SORCS1: variants seen among roughly 807,000 people sequenced by gnomAD.
SORCS1 encodes VPS10 domain-containing receptor SorCS1.
A neutral mutation model predicts 146.1 loss-of-function variants in SORCS1; 60 were observed. That is an observed-to-expected ratio of 0.41 (90% CI 0.33 to 0.51). The LOEUF is 0.51. Ranked by LOEUF, SORCS1 falls within the 20% of genes least tolerant of loss-of-function variation. The probability of loss-of-function intolerance (pLI) is 0.21; values close to 1 mark genes in which losing one functional copy is unlikely to be tolerated. For missense variants in SORCS1, 1,352 were observed against 1,487.6 expected (o/e 0.91, Z 1.50); for synonymous variants, 637 against 584.0 (o/e 1.09, Z -1.31).
intron 1 of SORCS1, among the ~76,000 whole-genome samples, chr10:106,967,591 G>T (rs1217875121): frequency 2.6e-5 from 4 of 152,312 alleles, no homozygotes; most frequent in Non-Finnish European, 4.4e-5. Flanking sequence ...TGGGGCCAGG[G>T]AATAGGGGGA....
At chr10:106,611,327 A>G (rs1408866091) in intron 22 of SORCS1, among the ~76,000 whole-genome samples, 1 of 152,190 alleles carries the variant, frequency 6.6e-6, no homozygotes, top group Non-Finnish European at 1.5e-5. Flanking sequence ...TAACCTCTCT[A>G]AACTTCAGTT....
At chr10:106,764,781 T>TGGGAGGGCG (rs1859426993) in intron 4 of SORCS1, among the ~76,000 whole-genome samples, 2 of 152,012 alleles carry the variant, frequency 1.3e-5, no homozygotes, top group Admixed American at 1.3e-4. Flanking sequence ...CCCAGCACTT[T>TGGGAGGGCG]GGGAGGGCGA....
chr10:106,634,757 C>T (rs542462775), intron 18 of SORCS1, among the ~76,000 whole-genome samples: 7 of 152,024 alleles, frequency 4.6e-5, no homozygotes, highest in East Asian at 3.9e-4. Flanking sequence ...ATGTTTAAGC[C>T]GTAAAGAAGA....
chr10:107,168,436 A>C (rs1415509563), upstream of SORCS1, among the ~76,000 whole-genome samples: 3 of 152,252 alleles, frequency 2.0e-5, no homozygotes, highest in Non-Finnish European at 2.9e-5. Flanking sequence ...CCACATGTGG[A>C]TAAAGGCCCT....
At chr10:106,859,547 C>T (rs1389649602) in intron 2 of SORCS1, among the ~76,000 whole-genome samples, 1 of 152,150 alleles carries the variant, frequency 6.6e-6, no homozygotes, top group Non-Finnish European at 1.5e-5. Context: ...GTGCGCACCA[C>T]CATGCCCAGG....
chr10:107,134,186 A>G (rs1967079946), intron 1 of SORCS1, among the ~76,000 whole-genome samples: 1 of 152,242 alleles, frequency 6.6e-6, no homozygotes, highest in South Asian at 2.1e-4. Flanking sequence ...AACTGATGTC[A>G]GGAAGGAAAA....
At chr10:106,864,212 T>C (rs1396651416) in intron 2 of SORCS1, among the ~76,000 whole-genome samples, 1 of 152,142 alleles carries the variant, frequency 6.6e-6, no homozygotes, top group Admixed American at 6.5e-5. Flanking sequence ...GGTGCTCACA[T>C]TGGGACTAAT....
At chr10:106,581,322 T>TACAC (rs3044191) in intron 24 of SORCS1, among the ~76,000 whole-genome samples, 3,966 of 142,384 alleles carry the variant, frequency 0.028, 62 homozygotes, top group African/African-American at 0.037. Context: ...TCGTCATACA[T>TACAC]ACACACACAC....
intron 1 of SORCS1, among the ~76,000 whole-genome samples, chr10:107,035,934 C>T (rs995814695): frequency 6.7e-6 from 1 of 148,458 alleles, no homozygotes; most frequent in Non-Finnish European, 1.5e-5. Context: ...ATGTTTATAA[C>T]ATATATATAA....
At chr10:107,094,149 TA>T (rs1964396356) in intron 1 of SORCS1, among the ~76,000 whole-genome samples, 1 of 152,216 alleles carries the variant, frequency 6.6e-6, no homozygotes. Context: ...TTCTCTTTTT[TA>T]ATCAAGAATA....
chr10:106,744,978 C>T (rs997889842), intron 5 of SORCS1, among the ~76,000 whole-genome samples: 4 of 152,090 alleles, frequency 2.6e-5, no homozygotes, highest in African/African-American at 9.7e-5. Context: ...CCAGGTCAGA[C>T]TCTAAAATGC....
At chr10:107,019,188 A>G (rs1432538213) in intron 1 of SORCS1, among the ~76,000 whole-genome samples, 2 of 152,196 alleles carry the variant, frequency 1.3e-5, no homozygotes, top group East Asian at 1.9e-4. Flanking sequence ...TCTAGCCTGT[A>G]GCCATTATAT....
intron 13 of SORCS1, among the ~76,000 whole-genome samples, chr10:106,675,983 C>T (rs1008683148): frequency 4.6e-5 from 7 of 152,168 alleles, no homozygotes; most frequent in Non-Finnish European, 1.0e-4. Flanking sequence ...TCCAGAACTA[C>T]AAGAAATTAA....
chr10:106,837,593 T>C (rs1413256536), intron 2 of SORCS1, among the ~76,000 whole-genome samples: 1 of 150,082 alleles, frequency 6.7e-6, no homozygotes, highest in African/African-American at 2.5e-5. Flanking sequence ...CATCACTATC[T>C]AGTAGGCGGT....
At position 106,829,587 on chromosome 10, in the gene SORCS1, G is replaced by C; in HGVS notation, c.713C>G (p.Thr238Ser). 6.3e-7 allele frequency: 1 copy of C among 1,592,956 alleles called. No homozygotes were observed. Among genetic ancestry groups the C allele is most frequent in the Non-Finnish European group, 8.6e-7 (1 of 1,163,678 alleles). The change falls in exon 3 of 26, where the codon ACC becomes AGC. Residue 238 changes from threonine to serine, a missense_variant. Physicochemically the swap from Thr to Ser is moderately conservative, Grantham distance 58. This residue lies in a region of SORCS1 where 490 missense variants were observed against 489.1 expected (regional missense o/e 1.00). Coordinates refer to ENST00000263054, the MANE Select transcript of SORCS1 (RefSeq NM_052918.5). Reference sequence around the variant, plus strand: ...TACATTTCTTACCTTACGCTTGTTGGTAGGACACACATAGAGATAGCTCAA... The same window carrying C: ...TACATTTCTTACCTTACGCTTGTTGCTAGGACACACATAGAGATAGCTCAA... ...TILSYLYVCP[T>S]NKRKIMLLTD...
chr10:107,082,861 G>A (rs1712481648), intron 1 of SORCS1, among the ~76,000 whole-genome samples: 1 of 152,052 alleles, frequency 6.6e-6, no homozygotes, highest in Non-Finnish European at 1.5e-5. Context: ...GAAGAAATCT[G>A]TGAAAGTCAG....
At chr10:107,169,475 A>C (rs1283037981), upstream of SORCS1, among the ~76,000 whole-genome samples, 2 of 152,212 alleles carry the variant, frequency 1.3e-5, no homozygotes, top group African/African-American at 4.8e-5. Flanking sequence ...TGGTGTTAGT[A>C]GGAGCACATA....
chr10:106,957,260 G>T (rs1284441162), intron 1 of SORCS1, among the ~76,000 whole-genome samples: 1 of 146,760 alleles, frequency 6.8e-6, no homozygotes, highest in African/African-American at 2.5e-5. Flanking sequence ...TGCAACCTCT[G>T]CCTCCCAGGT....
chr10:106,826,897 G>A (rs1948330246), intron 3 of SORCS1, among the ~76,000 whole-genome samples: 1 of 152,188 alleles, frequency 6.6e-6, no homozygotes, highest in South Asian at 2.1e-4. Context: ...TCTTTTTGTA[G>A]AACTAGGGTG....
Sources: allele counts gnomAD v4.1 joint callset (sites outside exome capture counted in the v4.1 genomes callset), GRCh38; gene constraint gnomAD v4.1.1; regional missense constraint gnomAD v4.1.1; transcripts MANE v1.5; gene names NCBI Gene and HGNC (gene_info 2026-07-23, HGNC 2026-07-21).